The following SHF variants were observed in gnomAD, a reference collection of about 807,000 sequenced individuals.
SHF encodes SH2 domain-containing adapter protein F.
In SHF, 30 loss-of-function variants were observed where a neutral mutation model predicts 42.4. That is an observed-to-expected ratio of 0.71 (90% confidence interval 0.53 to 0.96). The LOEUF (loss-of-function observed/expected upper bound fraction) is 0.96. Among genes scored for constraint, SHF ranks in the 40% least tolerant of loss-of-function variants. The pLI is 0.00. For missense variants in SHF, 598 were observed against 634.0 expected, an observed-to-expected ratio of 0.94 and a Z score of 0.61; for synonymous variants, 264 against 269.9, an observed-to-expected ratio of 0.98 and a Z score of 0.21.
At chr15:45,194,278 T>C (rs1355995720) in intron 2 of SHF, among the ~76,000 whole-genome samples, 1 of 152,070 alleles carries the variant, frequency 6.6e-6, no homozygotes, top group Non-Finnish European at 1.5e-5. Context: ...CATATTATTA[T>C]TCTTTTTGAT....
At chr15:45,198,698 G>T (rs1432842745) in intron 2 of SHF, 1 of 1,526,826 alleles carries the variant, frequency 6.5e-7, no homozygotes, top group Non-Finnish European at 8.8e-7. Flanking sequence ...GGACCCGTAG[G>T]GGTTGGCTTC....
Position 45,168,064 on chromosome 15 carries a change from G to C in SHF, c.1350C>G (p.Asn450Lys). Residue 450 changes from asparagine to lysine, a missense_variant, in exon 7 of 7, where the codon AAC becomes AAG. Asn to Lys is a moderately conservative substitution (Grantham distance 94). Around this residue, in one of 2 missense-constraint regions of SHF, gnomAD observed 439 missense variants for 524.6 expected, o/e 0.84. Coordinates refer to ENST00000690270, the MANE Select transcript of SHF (RefSeq NM_001394037.1). The stretch of plus-strand genomic sequence containing the variant: ...CAGGGACGCTGCTGAAGGGCGGGCT[G>C]TTCTGGCCCAGCACATATTTGTGTT... The part of the protein sequence containing the change: ...TKEHKYVLGQ[N>K]SPPFSSVPEI... 1.2e-6 allele frequency: 2 copies of C among 1,613,246 alleles called. No homozygotes were observed. The highest frequency in any genetic ancestry group is 1.7e-6 in the Non-Finnish European group (2 of 1,179,492).
chr15:45,198,748 C>A, intron 2 of SHF: 23 of 1,596,498 alleles, frequency 1.4e-5, no homozygotes, highest in Non-Finnish European at 2.0e-5. Context: ...TCCCAGTTTG[C>A]GCGTCATTAA....
At chr15:45,191,940 A>T (rs967128711), upstream of SHF, among the ~76,000 whole-genome samples, 11 of 151,934 alleles carry the variant, frequency 7.2e-5, no homozygotes, top group Non-Finnish European at 1.5e-4. Flanking sequence ...AAAAAAAAAA[A>T]AAAAAAGTAA....
At chr15:45,179,803 G>C (rs1437331415) in intron 1 of SHF, among the ~76,000 whole-genome samples, 3 of 152,184 alleles carry the variant, frequency 2.0e-5, no homozygotes, top group Non-Finnish European at 4.4e-5. Context: ...TCTAGGCTTT[G>C]ATTCTGAGCC....
At chr15:45,184,066 C>T (rs1898260145) in intron 1 of SHF, among the ~76,000 whole-genome samples, 1 of 152,194 alleles carries the variant, frequency 6.6e-6, no homozygotes, top group South Asian at 2.1e-4. Context: ...TAAGAAGAAA[C>T]ATTAAAGCAA....
At chr15:45,174,751 T>A (rs1485083617) in intron 3 of SHF, among the ~76,000 whole-genome samples, 1 of 151,948 alleles carries the variant, frequency 6.6e-6, no homozygotes, top group Non-Finnish European at 1.5e-5. Context: ...TCCTCAGAAA[T>A]CTCCTTGGGG....
At chr15:45,192,358 ATTTTTT>A (rs1193075020), upstream of SHF, among the ~76,000 whole-genome samples, 18 of 75,542 alleles carry the variant, frequency 2.4e-4, no homozygotes, top group African/African-American at 3.1e-4. Flanking sequence ...CTGATTCCAG[ATTTTTT>A]TTTTTTTTTT....
intron 2 of SHF, among the ~76,000 whole-genome samples, chr15:45,197,593 C>T (rs1324563627): frequency 6.6e-6 from 1 of 152,166 alleles, no homozygotes; most frequent in Non-Finnish European, 1.5e-5. Flanking sequence ...AGCCCAGGCT[C>T]CCACCCAAAG....
In SHF at chr15:45,172,313, A is replaced by G. The variant is rs771090523; in HGVS notation, c.994T>C (p.Phe332Leu). Residue 332 changes from phenylalanine to leucine, a missense_variant, in exon 5 of 7, where the codon TTT becomes CTT. Coordinates refer to ENST00000690270, the MANE Select transcript of SHF (RefSeq NM_001394037.1). ...AGGCAGCTCTTCTCCGGTCCTTCAA[A>G]CTGGGCTGTGGGGAACATATCAATC... Reference protein sequence around the residue: ...EPSLEDSSAQFEGPEKSCLSP... With the variant: ...EPSLEDSSAQLEGPEKSCLSP... The G allele has an allele frequency of 6.2e-7, 1 of 1,600,366 alleles. No individual in the cohort carries two copies. Among genetic ancestry groups the G allele is most frequent in the Non-Finnish European group, 8.5e-7 (1 of 1,173,026 alleles).
intron 2 of SHF, among the ~76,000 whole-genome samples, chr15:45,176,940 C>T (rs2141366827): frequency 6.6e-6 from 1 of 152,288 alleles, no homozygotes; most frequent in South Asian, 2.1e-4. Flanking sequence ...CCCATCTGTT[C>T]TTTGCCAATA....
intron 2 of SHF, among the ~76,000 whole-genome samples, chr15:45,177,007 C>A (rs191634499): frequency 1.1e-3 from 166 of 152,340 alleles, no homozygotes; most frequent in Middle Eastern, 3.4e-3. Context: ...GGTGAACCTC[C>A]ATTCTGCAGG....
At chr15:45,201,044 G>A (rs774138227) in exon 1 of SHF, 2 of 351,976 alleles carry the variant, frequency 5.7e-6, no homozygotes, top group Non-Finnish European at 1.1e-5. Flanking sequence ...ACGTGGGTGC[G>A]GGAGGAACCT....
intron 2 of SHF, among the ~76,000 whole-genome samples, chr15:45,195,900 C>A (rs974618859): frequency 1.3e-5 from 2 of 152,154 alleles, no homozygotes; most frequent in African/African-American, 4.8e-5. Context: ...CTTGAGAGGA[C>A]AAGCACATCC....
intron 1 of SHF, chr15:45,200,407 T>TTC (rs879763989): frequency 5.7e-5 from 13 of 227,356 alleles, no homozygotes; most frequent in Admixed American, 1.4e-4. Context: ...GCCATTGTCC[T>TTC]CACAATGCCG....
chr15:45,178,954 C>CAGG (rs1897978979), intron 1 of SHF, among the ~76,000 whole-genome samples: 1 of 152,244 alleles, frequency 6.6e-6, no homozygotes, highest in Non-Finnish European at 1.5e-5. Context: ...AGGACCATAG[C>CAGG]TTACACCAGG....
At chr15:45,176,990 C>G (rs1396964395) in intron 2 of SHF, among the ~76,000 whole-genome samples, 1 of 152,188 alleles carries the variant, frequency 6.6e-6, no homozygotes, top group Non-Finnish European at 1.5e-5. Flanking sequence ...ATATAGATTA[C>G]TGCTAGGGTG....
At chr15:45,187,970 C>A (rs1403923667), upstream of SHF, 9 of 1,006,378 alleles carry the variant, frequency 8.9e-6, no homozygotes, top group African/African-American at 1.9e-5. Flanking sequence ...CCAGACTGAG[C>A]GAGGGGAGCG....
rs1187635574 is a variant in SHF at position 45,187,930 on chromosome 15, G to C, written c.22C>G (p.Pro8Ala). 28 of 1,178,416 alleles carry C rather than the reference G, an allele frequency of 2.4e-5. No homozygotes were observed. The highest frequency in any genetic ancestry group is 2.9e-5 in the Non-Finnish European group (28 of 953,798). The allele number at this position is 1,178,416 out of a possible 1,614,324, so 73.0% of individuals were successfully genotyped here. MLLSGAPPAGSRPGPRTQ... is the reference protein window; with the variant it reads MLLSGAPAAGSRPGPRTQ... ...CGCGGCCCCGGGCGGGAGCCAGCCG[G>C]AGGAGCTCCGCTCAGTAACATGGGG... The change falls in exon 1 of 7, where the codon CCG becomes GCG. Residue 8 changes from proline (P) to alanine (A), a missense_variant. Pro to Ala is a conservative substitution (Grantham distance 27). This residue lies in a region of SHF where 159 missense variants were observed against 109.3 expected (regional missense o/e 1.45). Transcript: ENST00000690270.
Sources: gnomAD v4.1 joint callset for allele counts (sites outside exome capture counted in the v4.1 genomes callset) on GRCh38, gnomAD v4.1.1 for gene constraint, gnomAD v4.1.1 regional missense constraint, MANE v1.5 for transcripts, NCBI Gene and HGNC (gene_info 2026-07-23, HGNC 2026-07-21) for gene names.